The following PCBP3 variants were observed in gnomAD, a reference collection of about 807,000 sequenced individuals.
PCBP3 encodes poly(rC) binding protein 3.
PCBP3 carries 25 observed loss-of-function variants against 52.7 expected under a neutral mutation model. The ratio of observed to expected loss-of-function variants is 0.47; its 90% CI spans 0.35 to 0.66. PCBP3 has a LOEUF of 0.66. PCBP3 is among the 30% of genes least tolerant of loss of function. PCBP3 has a pLI of 0.01. For missense variants in PCBP3, 391 were observed against 490.3 expected (o/e 0.80, Z 1.91); for synonymous variants, 162 against 183.0 (o/e 0.89, Z 0.93).
intron 2 of PCBP3, among the ~76,000 whole-genome samples, chr21:45,681,514 C>G (rs1373152140): frequency 6.6e-6 from 1 of 152,132 alleles, no homozygotes; most frequent in African/African-American, 2.4e-5. Flanking sequence ...AAAAATGCAA[C>G]CTGGTCTTTG....
intron 4 of PCBP3, among the ~76,000 whole-genome samples, chr21:45,784,018 T>C (rs946223216): frequency 2.0e-5 from 3 of 152,180 alleles, no homozygotes; most frequent in African/African-American, 7.2e-5. Flanking sequence ...TTTTGTGCTT[T>C]TCAGTTTGTC....
At chr21:45,661,074 G>C (rs1233199701) in intron 1 of PCBP3, among the ~76,000 whole-genome samples, 1 of 152,004 alleles carries the variant, frequency 6.6e-6, no homozygotes, top group African/African-American at 2.4e-5. Flanking sequence ...TGTACATTCT[G>C]TTCACTTCAA....
intron 4 of PCBP3, among the ~76,000 whole-genome samples, chr21:45,812,298 G>A (rs1288501763): frequency 1.3e-5 from 2 of 152,220 alleles, no homozygotes; most frequent in Non-Finnish European, 2.9e-5. Context: ...TGTGCCCAAA[G>A]TGTGGGTTTT....
At chr21:45,905,180 G>A (rs1228798091) in intron 9 of PCBP3, among the ~76,000 whole-genome samples, 1 of 152,216 alleles carries the variant, frequency 6.6e-6, no homozygotes, top group African/African-American at 2.4e-5. Context: ...TCGAGGCTTA[G>A]CTGGAGTCAA....
In PCBP3 at chr21:45,846,831, C is replaced by T. The variant is rs142510272; in HGVS notation, c.-125-3130C>T. Among the ~76,000 whole-genome samples, 53 of 152,334 alleles carry T rather than the reference C, an allele frequency of 3.5e-4. 1 individual carries two copies. Among genetic ancestry groups the T allele is most frequent in the African/African-American group, 1.2e-3 (49 of 41,574 alleles). ...GCAATCCCTGCTCTTCAGCCTGGTG[C>T]GCTGGCCTCACGTGCTTCTGCTCAT... is the stretch of plus-strand genomic sequence containing the variant. On this transcript the variant is annotated intron_variant, in intron 4 of 17. Coordinates refer to ENST00000681687, the MANE Select transcript of PCBP3 (RefSeq NM_001384156.1).
At chr21:45,710,953 G>T (rs948888348) in intron 2 of PCBP3, among the ~76,000 whole-genome samples, 5 of 152,088 alleles carry the variant, frequency 3.3e-5, no homozygotes, top group African/African-American at 1.2e-4. Context: ...CTTTCAGTTG[G>T]TTCCTGTGTC....
intron 14 of PCBP3, 51 bp from the exon 15 acceptor site, chr21:45,930,735 C>A: frequency 1.1e-6 from 1 of 872,206 alleles, no homozygotes; most frequent in Non-Finnish European, 2.0e-6. Flanking sequence ...AGGGACCCTG[C>A]TTATCTCCTT....
chr21:45,804,351 C>T (rs573502376), intron 4 of PCBP3, among the ~76,000 whole-genome samples: 8 of 152,086 alleles, frequency 5.3e-5, no homozygotes, highest in Non-Finnish European at 8.8e-5. Flanking sequence ...TCCTAGTGCC[C>T]ACACCATCCA....
intron 9 of PCBP3, 160 bp downstream of exon 9, chr21:45,901,273 C>T (rs2096029125): frequency 8.0e-6 from 5 of 627,050 alleles, no homozygotes; most frequent in South Asian, 3.5e-5. Context: ...AGGGCCTCTC[C>T]GCAGCTCTGG....
At chr21:45,846,687 A>G (rs1206731423) in intron 4 of PCBP3, among the ~76,000 whole-genome samples, 1 of 152,166 alleles carries the variant, frequency 6.6e-6, no homozygotes, top group African/African-American at 2.4e-5. Flanking sequence ...TTGGGGTTCT[A>G]GCAGATTCTT....
rs556087561 is a variant in PCBP3 at position 45,725,168 on chromosome 21, C to T, written c.-199-10224C>T. ...CAGTGGCAATGCCAGAGCCTGGGCC[C>T]TGGGCTGCGGTGCGTTGGCTGGGTG... On this transcript the variant is annotated intron_variant, in intron 2 of 17. Transcript: ENST00000681687. Among the ~76,000 whole-genome samples the T allele has an allele frequency of 2.6e-5, 4 of 152,270 alleles. No homozygotes were observed. In the East Asian group the frequency reaches 7.7e-4, roughly 29 times the overall value.
intron 4 of PCBP3, among the ~76,000 whole-genome samples, chr21:45,768,393 T>C (rs1056395221): frequency 6.6e-6 from 1 of 152,250 alleles, no homozygotes; most frequent in African/African-American, 2.4e-5. Context: ...AAGGCGTTTC[T>C]GTTGCTCAGT....
intron 5 of PCBP3, among the ~76,000 whole-genome samples, chr21:45,889,849 G>T (rs2095609757): frequency 6.6e-6 from 1 of 152,246 alleles, no homozygotes; most frequent in South Asian, 2.1e-4. Context: ...GATCCCCCCA[G>T]ATTCTCTCCA....
chr21:45,941,786 C>A lies in PCBP3; in HGVS notation c.*80C>A. 1 of 1,124,858 alleles carries A rather than the reference C, an allele frequency of 8.9e-7. No individual in the cohort carries two copies. 69.7% of individuals were successfully genotyped at this position (1,124,858 alleles called of 1,614,324 possible). ...GGCTCTCGCACTCTGTACAGCCCAC[C>A]TTCCCTGCCTCACAGATACCAATAG... On this transcript the variant is annotated 3_prime_UTR_variant, in exon 18 of 18. Coordinates refer to ENST00000681687, the MANE Select transcript of PCBP3 (RefSeq NM_001384156.1).
chr21:45,877,570 G>A (rs905970601), intron 5 of PCBP3, among the ~76,000 whole-genome samples: 3 of 152,210 alleles, frequency 2.0e-5, no homozygotes, highest in Admixed American at 6.5e-5. Flanking sequence ...TTGGGAGGCC[G>A]AAGCAGCCAA....
chr21:45,755,034 T>C (rs922842921), intron 3 of PCBP3, among the ~76,000 whole-genome samples: 1 of 152,198 alleles, frequency 6.6e-6, no homozygotes, highest in Non-Finnish European at 1.5e-5. Context: ...TACAGTTTTA[T>C]GAGTTTCAAC....
chr21:45,695,736 A>G (rs77896593), intron 2 of PCBP3, among the ~76,000 whole-genome samples: 3,542 of 152,178 alleles, frequency 0.023, 142 homozygotes, highest in African/African-American at 0.081. Flanking sequence ...CTGGTACATA[A>G]GGCCACTTGA....
At chr21:45,835,884 C>T (rs896456233) in intron 4 of PCBP3, among the ~76,000 whole-genome samples, 3 of 152,296 alleles carry the variant, frequency 2.0e-5, no homozygotes, top group Non-Finnish European at 1.5e-5. Context: ...GTCACGGCAG[C>T]CCCAGGGGAA....
intron 5 of PCBP3, among the ~76,000 whole-genome samples, chr21:45,859,281 C>G (rs2094426147): frequency 2.7e-5 from 1 of 37,142 alleles, no homozygotes; most frequent in South Asian, 1.6e-3. Context: ...CAGAGGTGGC[C>G]AGCGGGTCAG....
Sources: gnomAD v4.1 joint callset for allele counts (sites outside exome capture counted in the v4.1 genomes callset) on GRCh38, gnomAD v4.1.1 for gene constraint, MANE v1.5 for transcripts, NCBI Gene and HGNC (gene_info 2026-07-23, HGNC 2026-07-21) for gene names.